Variants in KDM4C observed in about 807,000 individuals in gnomAD.
The protein encoded by KDM4C is lysine demethylase 4C.
Under a neutral mutation model 129.3 loss-of-function variants are expected in KDM4C, and 81 were observed. That is an observed-to-expected ratio of 0.63 (90% CI 0.52 to 0.75). The LOEUF is 0.75. KDM4C is among the 30% of genes least tolerant of loss of function. The probability of loss-of-function intolerance (pLI) is 0.00; values close to 1 mark genes in which losing one functional copy is unlikely to be tolerated. For missense variants in KDM4C, 1,457 were observed against 1,304.0 expected, an observed-to-expected ratio of 1.12 and a Z score of -1.81; for synonymous variants, 573 against 456.1, an observed-to-expected ratio of 1.26 and a Z score of -3.26.
intron 21 of KDM4C, among the ~76,000 whole-genome samples, chr9:7,172,950 C>A (rs1234303038): frequency 1.3e-5 from 2 of 152,168 alleles, no homozygotes; most frequent in Admixed American, 1.3e-4. Flanking sequence ...AATTGGGAAG[C>A]AAAAATAGTG....
At chr9:6,841,931 A>T (rs1011836594) in intron 4 of KDM4C, among the ~76,000 whole-genome samples, 1 of 152,142 alleles carries the variant, frequency 6.6e-6, no homozygotes, top group African/African-American at 2.4e-5. Context: ...GGAGCTGGTT[A>T]TCAGTTTTCT....
chr9:6,832,862 G>A lies in KDM4C; in HGVS notation c.436-16645G>A, dbSNP rs539309520. ...CCTGCCTCAGACTCTGTAGTAGCTGGGATTATAGGCACCCACCACCTTGCC... is the reference window on the plus strand; with the variant it reads ...CCTGCCTCAGACTCTGTAGTAGCTGAGATTATAGGCACCCACCACCTTGCC... On this transcript the variant is annotated intron_variant, in intron 4 of 21. Transcript: ENST00000381309. Among the ~76,000 whole-genome samples, 216 of 151,220 alleles carry A rather than the reference G, an allele frequency of 1.4e-3. 2 individuals are homozygous for A. The Middle Eastern group carries it at 0.024, about 17-fold the overall frequency.
intron 1 of KDM4C, among the ~76,000 whole-genome samples, chr9:6,785,367 C>G (rs1410261174): frequency 1.4e-5 from 2 of 146,568 alleles, no homozygotes; most frequent in African/African-American, 2.5e-5. Flanking sequence ...GATGGAGTCT[C>G]ACTCTGTCAC....
At chr9:7,037,256 C>A (rs1049799371) in intron 15 of KDM4C, among the ~76,000 whole-genome samples, 1 of 152,162 alleles carries the variant, frequency 6.6e-6, no homozygotes, top group Non-Finnish European at 1.5e-5. Context: ...AATTATTTTT[C>A]TATGACACTG....
At chr9:6,807,057 C>T (rs1044632843) in intron 3 of KDM4C, among the ~76,000 whole-genome samples, 1 of 152,086 alleles carries the variant, frequency 6.6e-6, no homozygotes, top group African/African-American at 2.4e-5. Context: ...CGCCGCCACG[C>T]CTGACTGGTT....
At chr9:6,834,041 G>GTTTTTTTTTTTTTTT (rs368060541) in intron 4 of KDM4C, among the ~76,000 whole-genome samples, 1 of 57,782 alleles carries the variant, frequency 1.7e-5, no homozygotes, top group Non-Finnish European at 3.4e-5. Context: ...TCAAGAGATA[G>GTTTTTTTTTTTTTTT]TCTTTTTTTT....
At chr9:6,795,326 A>T (rs61138496) in intron 2 of KDM4C, among the ~76,000 whole-genome samples, 53,271 of 151,816 alleles carry the variant, frequency 0.35, 10,009 homozygotes, top group African/African-American at 0.42. Context: ...ATATATATAT[A>T]TTTTTTGTTG....
At chr9:7,109,629 G>T (rs1287564605) in intron 18 of KDM4C, among the ~76,000 whole-genome samples, 2 of 152,188 alleles carry the variant, frequency 1.3e-5, no homozygotes, top group African/African-American at 4.8e-5. Flanking sequence ...CAGTGGGTAG[G>T]ACTTCGCTTA....
At chr9:7,120,267 C>T (rs574841081) in intron 18 of KDM4C, among the ~76,000 whole-genome samples, 1 of 152,052 alleles carries the variant, frequency 6.6e-6, no homozygotes, top group Non-Finnish European at 1.5e-5. Flanking sequence ...TAGGAACATA[C>T]TTTCCTCCTT....
chr9:6,900,918 G>A (rs1817294260), intron 8 of KDM4C, among the ~76,000 whole-genome samples: 1 of 151,844 alleles, frequency 6.6e-6, no homozygotes, highest in African/African-American at 2.4e-5. Context: ...ATGTATGTTT[G>A]TATGATTATC....
intron 19 of KDM4C, among the ~76,000 whole-genome samples, chr9:7,153,655 G>A (rs1160050597): frequency 6.6e-6 from 1 of 152,116 alleles, no homozygotes; most frequent in Non-Finnish European, 1.5e-5. Flanking sequence ...GTGGGAGGAG[G>A]GATCTGTCAT....
chr9:7,162,391 G>A (rs576177057), intron 19 of KDM4C, among the ~76,000 whole-genome samples: 81 of 152,278 alleles, frequency 5.3e-4, no homozygotes, highest in African/African-American at 1.9e-3. Context: ...GGTTAGTTGA[G>A]GTCAGGCACT....
chr9:7,021,105 T>C (rs1163925727), intron 15 of KDM4C, among the ~76,000 whole-genome samples: 3 of 146,594 alleles, frequency 2.0e-5, no homozygotes, highest in Non-Finnish European at 4.4e-5. Flanking sequence ...TTGTCATTTG[T>C]ACATACATAT....
intron 8 of KDM4C, among the ~76,000 whole-genome samples, chr9:6,928,344 C>T (rs569651615): frequency 2.6e-5 from 4 of 152,138 alleles, no homozygotes; most frequent in African/African-American, 7.2e-5. Flanking sequence ...GGTCGTTTGT[C>T]TTCCTTATAC....
chr9:6,782,442 T>C (rs1189241534), intron 1 of KDM4C, among the ~76,000 whole-genome samples: 3 of 152,212 alleles, frequency 2.0e-5, no homozygotes, highest in Admixed American at 2.0e-4. Flanking sequence ...CTGTCATTAG[T>C]GAAATAGGGA....
chr9:6,859,032 G>A (rs370643026), intron 5 of KDM4C, among the ~76,000 whole-genome samples: 53 of 152,166 alleles, frequency 3.5e-4, no homozygotes, highest in Admixed American at 9.8e-4. Context: ...TAAATGTTCC[G>A]TTGTTACTGC....
At chr9:6,939,191 A>G (rs1825382241) in intron 8 of KDM4C, among the ~76,000 whole-genome samples, 1 of 151,878 alleles carries the variant, frequency 6.6e-6, no homozygotes, top group South Asian at 2.1e-4. Flanking sequence ...CATCGCTGGC[A>G]TTACTGCCTG....
intron 1 of KDM4C, among the ~76,000 whole-genome samples, chr9:6,775,614 G>C (rs1759401): frequency 0.83 from 125,706 of 151,834 alleles, 52,520 homozygotes; most frequent in African/African-American, 0.95. Context: ...CCTCCACCAC[G>C]CAGGTTCAAG....
intron 8 of KDM4C, among the ~76,000 whole-genome samples, chr9:6,901,265 G>T (rs903814036): frequency 6.6e-6 from 1 of 152,182 alleles, no homozygotes; most frequent in African/African-American, 2.4e-5. Context: ...ATAGTCAGAT[G>T]CCCTGGCTTC....
Sources: allele counts gnomAD v4.1 joint callset (sites outside exome capture counted in the v4.1 genomes callset), GRCh38; gene constraint gnomAD v4.1.1; transcripts MANE v1.5; gene names NCBI Gene and HGNC (gene_info 2026-07-23, HGNC 2026-07-21).